Variants in NRAP observed in about 807,000 individuals in gnomAD.
The protein encoded by NRAP is nebulin related anchoring protein.
NRAP carries 189 observed loss-of-function variants against 225.9 expected under a neutral mutation model. That is an observed-to-expected ratio of 0.84 (90% CI 0.74 to 0.94). NRAP has a LOEUF of 0.94. Ranked by LOEUF, NRAP falls within the 40% of genes least tolerant of loss-of-function variation. The pLI is 0.00. For synonymous variants in NRAP, 769 were observed against 790.7 expected, an observed-to-expected ratio of 0.97 and a Z score of 0.46; for missense variants, 2,176 against 2,168.7, an observed-to-expected ratio of 1.00 and a Z score of -0.07.
At chr10:113,627,188 C>T (rs1330472769) in intron 20 of NRAP, among the ~76,000 whole-genome samples, 1 of 152,186 alleles carries the variant, frequency 6.6e-6, no homozygotes, top group African/African-American at 2.4e-5. Flanking sequence ...AATTTTCCTC[C>T]CTAGTTCCAC....
intron 12 of NRAP, 52 bp from the exon 13 acceptor site, chr10:113,641,524 G>C: frequency 1.9e-6 from 2 of 1,054,708 alleles, no homozygotes; most frequent in East Asian, 4.7e-5. Flanking sequence ...ACAAGTAGTT[G>C]AAGATAAACT....
Position 113,629,688 on chromosome 10 carries a change from G to C in NRAP, c.1940C>G (p.Ala647Gly). The C allele has an allele frequency of 6.2e-7, 1 of 1,613,824 alleles. No individual in the cohort carries two copies. Among genetic ancestry groups the C allele is most frequent in the Non-Finnish European group, 8.5e-7 (1 of 1,179,686 alleles). ...TTTCTTCCTGTAGTCCAGGTCACTG[G>C]CGAGAGTTTGGGCCTTCTTAGCATG... ...IRHAKKAQTL[A>G]SDLDYRKKLH... The change falls in exon 19 of 42, where the codon GCC becomes GGC. Residue 647 changes from alanine (A) to glycine (G), a missense_variant. Physicochemically the swap from Ala to Gly is moderately conservative, Grantham distance 60 (BLOSUM62 0). This residue lies in a region of NRAP where 1,708 missense variants were observed against 1,695.5 expected (regional missense o/e 1.01). Transcript: ENST00000359988.
chr10:113,628,962 A>G lies in NRAP; in HGVS notation c.2100T>C (p.Ser700=), dbSNP rs1183396238. 1 of 1,612,286 alleles carries G rather than the reference A, an allele frequency of 6.2e-7. No individual in the cohort carries two copies. The highest frequency in any genetic ancestry group is 1.3e-5 in the African/African-American group (1 of 74,694). The part of the protein sequence containing the change: ...MKGVGWLTEG[S]LNLEQAKKAG... Reference sequence around the variant, plus strand: ...CCTTCTTGGCTTGTTCCAAGTTGAGACTCCCCTCTGTCAGCCACCCAACTC... The same window carrying G: ...CCTTCTTGGCTTGTTCCAAGTTGAGGCTCCCCTCTGTCAGCCACCCAACTC... The change falls in exon 20 of 42, where the codon AGT becomes AGC. Residue 700 remains serine, a synonymous_variant. Transcript: ENST00000359988.
rs1029289919 is a variant in NRAP at position 113,638,307 on chromosome 10, A to G, written c.1428+1920T>C. 2.6e-5 allele frequency among the ~76,000 whole-genome samples: 4 copies of G among 152,152 alleles called. No homozygotes were observed. The East Asian group carries it at 5.8e-4, about 22-fold the overall frequency. ...TTTGCAACACCACAAATGCTTGGCC[A>G]TTGCTTCAGTCTACATTTTGAAGGT... is the stretch of plus-strand genomic sequence containing the variant. On this transcript the variant is annotated intron_variant, in intron 14 of 41. Transcript: ENST00000359988.
At chr10:113,616,958 CA>C (rs1243964614) in intron 26 of NRAP, among the ~76,000 whole-genome samples, 15 of 152,244 alleles carry the variant, frequency 9.9e-5, no homozygotes, top group African/African-American at 3.6e-4. Context: ...CTTGGTTTTG[CA>C]TCATAAAGGA....
At chr10:113,602,080 G>A (rs904487116) in intron 35 of NRAP, among the ~76,000 whole-genome samples, 3 of 152,128 alleles carry the variant, frequency 2.0e-5, no homozygotes, top group African/African-American at 7.2e-5. Flanking sequence ...GTTTCATCAT[G>A]TTGCCCAGGC....
chr10:113,649,439 A>G (rs1033314129), intron 9 of NRAP, among the ~76,000 whole-genome samples: 2 of 152,180 alleles, frequency 1.3e-5, no homozygotes, highest in East Asian at 3.8e-4. Context: ...TTTCTACCCT[A>G]CAACACCTGG....
Position 113,663,401 on chromosome 10 carries a change from G to T in NRAP, c.118C>A (p.Leu40Met). The change falls in exon 2 of 42, where the codon CTG becomes ATG. Residue 40 changes from leucine (L) to methionine (M), a missense_variant. This residue lies in a region of NRAP where 1,708 missense variants were observed against 1,695.5 expected (regional missense o/e 1.01). Coordinates refer to ENST00000359988, the MANE Select transcript of NRAP (RefSeq NM_198060.4). ...CFHCEVCKMM[L>M]SVNNFVSHQK... is the part of the protein sequence containing the mutation. ...TGACTCACAAAGTTATTAACAGACA[G>T]CATCATCTTGCAAACTTCACAGTGA... is the stretch of plus-strand genomic sequence containing the variant. 6.2e-7 allele frequency: 1 copy of T among 1,613,320 alleles called. No homozygotes were observed. The highest frequency in any genetic ancestry group is 8.5e-7 in the Non-Finnish European group (1 of 1,179,266).
At position 113,649,318 on chromosome 10, in the gene NRAP, A is replaced by C. The variant is rs148627518; in HGVS notation, c.888+719T>G. ...CTACTTACTGACAAATAATTCAAACAACTGTCCAATTATGAATAAAAATCA... is the reference window on the plus strand; with the variant it reads ...CTACTTACTGACAAATAATTCAAACCACTGTCCAATTATGAATAAAAATCA... On this transcript the variant is annotated intron_variant, in intron 9 of 41. Transcript: ENST00000359988. Among the ~76,000 whole-genome samples, 396 of 152,322 alleles carry C rather than the reference A, an allele frequency of 2.6e-3. 2 individuals are homozygous for C. The highest frequency in any genetic ancestry group is 8.6e-3 in the African/African-American group (359 of 41,566).
intron 26 of NRAP, among the ~76,000 whole-genome samples, chr10:113,616,891 C>T (rs1302452279): frequency 2.0e-5 from 3 of 150,686 alleles, no homozygotes; most frequent in Non-Finnish European, 4.5e-5. Flanking sequence ...AGTCTCCAGC[C>T]GACCCTGCAA....
At chr10:113,631,443 G>T in intron 18 of NRAP, 66 bp downstream of exon 18, 3 of 913,076 alleles carry the variant, frequency 3.3e-6, no homozygotes, top group Non-Finnish European at 3.4e-6. Flanking sequence ...GGTGAAGTAG[G>T]CCCAGGGAAA....
chr10:113,651,184 C>T (rs1286125909), intron 7 of NRAP, among the ~76,000 whole-genome samples: 2 of 152,156 alleles, frequency 1.3e-5, no homozygotes, highest in Admixed American at 1.3e-4. Context: ...GCCCAACCAT[C>T]CTTGACCTCA....
intron 12 of NRAP, among the ~76,000 whole-genome samples, chr10:113,642,589 A>C (rs1205256324): frequency 6.6e-6 from 1 of 152,162 alleles, no homozygotes; most frequent in Non-Finnish European, 1.5e-5. Flanking sequence ...TTAACTCAGA[A>C]GCACAAAGTC....
At chr10:113,652,076 A>G (rs1314589713) in intron 6 of NRAP, among the ~76,000 whole-genome samples, 169 bp from the exon 7 acceptor site, 2 of 152,170 alleles carry the variant, frequency 1.3e-5, no homozygotes, top group Non-Finnish European at 2.9e-5. Context: ...ATCTATGCCA[A>G]TGTGCTAAGT....
At chr10:113,637,810 T>C (rs2134075092) in intron 14 of NRAP, among the ~76,000 whole-genome samples, 1 of 152,134 alleles carries the variant, frequency 6.6e-6, no homozygotes, top group East Asian at 1.9e-4. Context: ...TAATCCCAGC[T>C]ACTCGGGAGG....
At position 113,614,198 on chromosome 10, in the gene NRAP, G is replaced by A. The variant is rs761204871; in HGVS notation, c.3285C>T (p.Thr1095=). 1 of 1,610,624 alleles carries A rather than the reference G, an allele frequency of 6.2e-7. No individual in the cohort carries two copies. The highest frequency in any genetic ancestry group is 1.7e-5 in the Admixed American group (1 of 60,020). The change falls in exon 29 of 42, where the codon ACC becomes ACT. Residue 1095 remains threonine (T), a synonymous_variant. Transcript: ENST00000359988. ...CCCCACTTACATCACTCTGCAGTGA[G>A]GTCGCATACACTGAATGTGCAAGGC... The part of the protein sequence containing the change: ...DISLAHSVYA[T]SLQSDVNYKK...
intron 36 of NRAP, 99 bp downstream of exon 36, chr10:113,597,870 T>G: frequency 1.0e-4 from 87 of 860,530 alleles, no homozygotes; most frequent in Non-Finnish European, 1.4e-4. Context: ...CCAGTGGCCA[T>G]GAGGTCCTTT....
In NRAP at chr10:113,605,830, C is replaced by T. The variant is rs148504118; in HGVS notation, c.3847G>A (p.Gly1283Ser). The T allele has an allele frequency of 1.1e-4, 181 of 1,614,150 alleles. No homozygotes were observed. The African/African-American group carries it at 2.0e-3, about 18-fold the overall frequency. Residue 1283 changes from glycine (G) to serine (S), a missense_variant, in exon 34 of 42, where the codon GGC becomes AGC. Gly to Ser is a moderately conservative substitution (Grantham distance 56). Transcript: ENST00000359988. ...KESWRNLRAQGYKLTIEALPF... is the reference protein window; with the variant it reads ...KESWRNLRAQSYKLTIEALPF... ...AGCGCTTCTATTGTCAGCTTGTAGC[C>T]TTGAGCACGAAGATTACGCCAGGAC...
At chr10:113,640,653 A>G (rs1849149380) in intron 13 of NRAP, among the ~76,000 whole-genome samples, 1 of 152,216 alleles carries the variant, frequency 6.6e-6, no homozygotes, top group African/African-American at 2.4e-5. Context: ...ACCCCAAGAA[A>G]ATAGATGGAA....
Sources: allele counts gnomAD v4.1 joint callset (sites outside exome capture counted in the v4.1 genomes callset), GRCh38; gene constraint gnomAD v4.1.1; regional missense constraint gnomAD v4.1.1; transcripts MANE v1.5; gene names NCBI Gene and HGNC (gene_info 2026-07-23, HGNC 2026-07-21).